The following TRHDE variants were observed in gnomAD, a reference collection of about 807,000 sequenced individuals.
The protein encoded by TRHDE is thyrotropin-releasing hormone-degrading ectoenzyme.
A neutral mutation model predicts 125.7 loss-of-function variants in TRHDE; 72 were observed. That is an observed-to-expected ratio of 0.57 (90% confidence interval 0.47 to 0.70). TRHDE has a LOEUF of 0.70. Among genes scored for constraint, TRHDE ranks in the 30% least tolerant of loss-of-function variants. The pLI is 0.00. For synonymous variants in TRHDE, 509 were observed against 509.1 expected, an observed-to-expected ratio of 1.00 and a Z score of 0.00; for missense variants, 1,110 against 1,327.1, an observed-to-expected ratio of 0.84 and a Z score of 2.54.
At chr12:72,184,637 C>T (rs1454543123) in intron 2 of TRHDE, among the ~76,000 whole-genome samples, 2 of 152,018 alleles carry the variant, frequency 1.3e-5, no homozygotes, top group East Asian at 1.9e-4. Context: ...TTTCCTGTTC[C>T]CTGTTTTTTT....
chr12:72,122,839 T>A (rs189141617), intron 2 of TRHDE, among the ~76,000 whole-genome samples: 3 of 152,202 alleles, frequency 2.0e-5, no homozygotes, highest in South Asian at 4.1e-4. Flanking sequence ...TAAATATTTT[T>A]AAAAAATATA....
chr12:72,436,027 C>T (rs1252215905), intron 3 of TRHDE, among the ~76,000 whole-genome samples: 3 of 151,894 alleles, frequency 2.0e-5, no homozygotes, highest in South Asian at 4.1e-4. Flanking sequence ...AAAATATAAA[C>T]GACAAAGCCT....
intron 7 of TRHDE, among the ~76,000 whole-genome samples, chr12:72,552,759 T>G (rs540266204): frequency 1.3e-5 from 2 of 152,280 alleles, no homozygotes; most frequent in African/African-American, 4.8e-5. Flanking sequence ...AGAATAAAAT[T>G]AAACAAATTT....
At chr12:72,364,691 G>A in intron 2 of TRHDE, among the ~76,000 whole-genome samples, 1 of 151,996 alleles carries the variant, frequency 6.6e-6, no homozygotes. Context: ...TGCTGTGCTT[G>A]AACTGGATGG....
intron 2 of TRHDE, among the ~76,000 whole-genome samples, chr12:72,170,937 A>T (rs532333424): frequency 6.6e-6 from 1 of 152,282 alleles, no homozygotes; most frequent in Admixed American, 6.5e-5. Context: ...CCAGGAAGCT[A>T]ATCTATTCGA....
At chr12:72,295,904 A>C (rs538072201) in intron 2 of TRHDE, among the ~76,000 whole-genome samples, 24 of 152,348 alleles carry the variant, frequency 1.6e-4, no homozygotes, top group Admixed American at 1.4e-3. Flanking sequence ...AAATAGTAAC[A>C]AAAGAGTTGG....
chr12:72,595,193 G>C (rs1488387272), intron 12 of TRHDE, among the ~76,000 whole-genome samples: 2 of 151,226 alleles, frequency 1.3e-5, no homozygotes, highest in African/African-American at 2.4e-5. Context: ...CAGCACACCA[G>C]CATGGCACAT....
At chr12:72,398,079 A>T (rs926376050) in intron 3 of TRHDE, among the ~76,000 whole-genome samples, 1 of 148,842 alleles carries the variant, frequency 6.7e-6, no homozygotes, top group Non-Finnish European at 1.5e-5. Context: ...TGAGAATATG[A>T]GGTGTTTGGT....
chr12:72,620,142 C>A (rs1377596994), intron 13 of TRHDE, among the ~76,000 whole-genome samples: 2 of 151,772 alleles, frequency 1.3e-5, no homozygotes, highest in Non-Finnish European at 2.9e-5. Flanking sequence ...CAATATTAAA[C>A]CTTTGTAAAA....
At chr12:72,298,214 G>C (rs1880377025) in intron 2 of TRHDE, among the ~76,000 whole-genome samples, 1 of 152,208 alleles carries the variant, frequency 6.6e-6, no homozygotes, top group African/African-American at 2.4e-5. Flanking sequence ...CATGATTACA[G>C]TATGTTTATA....
intron 15 of TRHDE, among the ~76,000 whole-genome samples, chr12:72,646,263 T>A (rs1332680999): frequency 2.0e-5 from 3 of 152,034 alleles, no homozygotes; most frequent in Non-Finnish European, 2.9e-5. Context: ...CATTTAAGCT[T>A]AAGTTGTTAT....
At chr12:72,575,570 A>G (rs765040412) in intron 12 of TRHDE, 28 bp downstream of exon 12, 1 of 1,609,972 alleles carries the variant, frequency 6.2e-7, no homozygotes, top group Non-Finnish European at 8.5e-7. Flanking sequence ...TCTCCCCAAT[A>G]AAAACTTGTG....
chr12:72,571,681 G>A (rs951785152), intron 10 of TRHDE, among the ~76,000 whole-genome samples: 2 of 152,072 alleles, frequency 1.3e-5, no homozygotes, highest in African/African-American at 4.8e-5. Context: ...ACGGTTCATG[G>A]AGAGGAATAA....
intron 2 of TRHDE, among the ~76,000 whole-genome samples, chr12:72,109,972 A>C (rs1160963697): frequency 6.6e-6 from 1 of 151,990 alleles, no homozygotes; most frequent in Non-Finnish European, 1.5e-5. Flanking sequence ...ATACATGTGT[A>C]ATTTTTCCTC....
chr12:72,622,542 G>A (rs1394690703), intron 15 of TRHDE, among the ~76,000 whole-genome samples: 1 of 152,058 alleles, frequency 6.6e-6, no homozygotes, highest in African/African-American at 2.4e-5. Flanking sequence ...TAGGAAGGAA[G>A]AGAAGCTAGG....
intron 12 of TRHDE, among the ~76,000 whole-genome samples, chr12:72,613,664 C>CT (rs2136071407): frequency 6.6e-6 from 1 of 152,182 alleles, no homozygotes; most frequent in African/African-American, 2.4e-5. Flanking sequence ...TGACTAATGT[C>CT]TTGATAATTA....
At chr12:72,280,423 C>A (rs1209333763) in intron 1 of TRHDE, among the ~76,000 whole-genome samples, 1 of 152,110 alleles carries the variant, frequency 6.6e-6, no homozygotes, top group Non-Finnish European at 1.5e-5. Flanking sequence ...TTTCCCCTTG[C>A]TGGCAAAACA....
At chr12:72,472,462 A>G (rs764646269) in intron 4 of TRHDE, among the ~76,000 whole-genome samples, 2 of 152,184 alleles carry the variant, frequency 1.3e-5, no homozygotes, top group Non-Finnish European at 2.9e-5. Context: ...CCTTATTATA[A>G]TAGAATCATG....
chr12:72,386,947 G>C (rs182545250), intron 3 of TRHDE, among the ~76,000 whole-genome samples: 1 of 152,140 alleles, frequency 6.6e-6, no homozygotes, highest in African/African-American at 2.4e-5. Context: ...TGCCTTTCTA[G>C]CTGCTTAAAC....
Sources: gnomAD v4.1 joint callset for allele counts (sites outside exome capture counted in the v4.1 genomes callset) on GRCh38, gnomAD v4.1.1 for gene constraint, MANE v1.5 for transcripts, NCBI Gene and HGNC (gene_info 2026-07-23, HGNC 2026-07-21) for gene names.